Variants in NFIB observed in about 807,000 individuals in gnomAD.
NFIB encodes nuclear factor I B, also known as nuclear factor 1 B-type.
A neutral mutation model predicts 61.5 loss-of-function variants in NFIB; 11 were observed. The ratio of observed to expected loss-of-function variants is 0.18; its 90% CI spans 0.11 to 0.30. NFIB has a LOEUF of 0.30. Ranked by LOEUF, NFIB falls within the 10% of genes least tolerant of loss-of-function variation. The pLI, the probability that NFIB is intolerant of heterozygous loss-of-function variation, is 1.00. For missense variants in NFIB, 471 were observed against 608.9 expected (o/e 0.77, Z 2.38); for synonymous variants, 260 against 216.5 (o/e 1.20, Z -1.76).
At chr9:14,457,208 G>A in the NFIB span, among the ~76,000 whole-genome samples, 6 of 152,134 alleles carry the variant, frequency 3.9e-5, no homozygotes, top group African/African-American at 1.4e-4. Flanking sequence ...GCTGTGGGAA[G>A]ATGAACTGGA....
At chr9:14,401,492 C>T (rs1410965570), upstream of NFIB, among the ~76,000 whole-genome samples, 1 of 152,210 alleles carries the variant, frequency 6.6e-6, no homozygotes, top group Non-Finnish European at 1.5e-5. Context: ...GTCTATCTTA[C>T]TCAAGTCATC....
chr9:14,182,034 G>T (rs573563967), intron 2 of NFIB, among the ~76,000 whole-genome samples: 1 of 152,254 alleles, frequency 6.6e-6, no homozygotes, highest in Admixed American at 6.5e-5. Context: ...TCTTCCATTC[G>T]TAAGAAACTA....
At chr9:14,291,232 C>T (rs2059074272) in intron 2 of NFIB, among the ~76,000 whole-genome samples, 1 of 151,946 alleles carries the variant, frequency 6.6e-6, no homozygotes, top group Admixed American at 6.6e-5. Context: ...GCCTGTAATC[C>T]CAGCACTTTT....
the NFIB span, among the ~76,000 whole-genome samples, chr9:14,454,274 T>C: frequency 6.6e-6 from 1 of 152,224 alleles, no homozygotes; most frequent in East Asian, 1.9e-4. Context: ...GAAAATGTAT[T>C]AATAAGGAAT....
At chr9:14,427,942 T>TTTTTTTTTG in the NFIB span, among the ~76,000 whole-genome samples, 12 of 77,842 alleles carry the variant, frequency 1.5e-4, 1 homozygote, top group Middle Eastern at 4.7e-3. Flanking sequence ...CAGTTGTTTT[T>TTTTTTTTTG]TTTTTTTTTT....
At chr9:14,186,210 G>T (rs1205690900) in intron 2 of NFIB, among the ~76,000 whole-genome samples, 3 of 152,106 alleles carry the variant, frequency 2.0e-5, no homozygotes, top group Non-Finnish European at 4.4e-5. Flanking sequence ...TTTATATCAA[G>T]GGATATCAGA....
At chr9:14,522,478 G>A in the NFIB span, among the ~76,000 whole-genome samples, 1 of 152,064 alleles carries the variant, frequency 6.6e-6, no homozygotes, top group African/African-American at 2.4e-5. Flanking sequence ...ATAAAAAAAA[G>A]CATTGTTGTC....
chr9:14,295,348 G>A (rs543934600), intron 2 of NFIB, among the ~76,000 whole-genome samples: 11 of 152,262 alleles, frequency 7.2e-5, no homozygotes, highest in Middle Eastern at 3.4e-3. Context: ...CCAGTTGGCC[G>A]GGCGCGGTGG....
intron 2 of NFIB, among the ~76,000 whole-genome samples, chr9:14,247,066 C>G (rs1268332974): frequency 6.6e-6 from 1 of 152,060 alleles, no homozygotes; most frequent in Admixed American, 6.5e-5. Context: ...CGAAGAGAGC[C>G]CTCACCAGAA....
At chr9:14,270,343 G>A (rs1322991) in intron 2 of NFIB, among the ~76,000 whole-genome samples, 134,618 of 152,010 alleles carry the variant, frequency 0.89, 59,742 homozygotes, top group Non-Finnish European at 0.91. Flanking sequence ...GTGGCACATA[G>A]TCAGTTGCTT....
At chr9:14,485,131 A>C in the NFIB span, among the ~76,000 whole-genome samples, 1 of 152,188 alleles carries the variant, frequency 6.6e-6, no homozygotes, top group Non-Finnish European at 1.5e-5. Flanking sequence ...ATTTGACCCT[A>C]TCCCCAGATA....
At chr9:14,414,461 A>G in the NFIB span, among the ~76,000 whole-genome samples, 4 of 149,528 alleles carry the variant, frequency 2.7e-5, no homozygotes, top group East Asian at 3.9e-4. Context: ...AGAAAACGTA[A>G]TTGGACATAA....
chr9:14,121,579 T>C (rs972485935), intron 7 of NFIB, among the ~76,000 whole-genome samples: 2 of 152,208 alleles, frequency 1.3e-5, no homozygotes, highest in African/African-American at 4.8e-5. Context: ...ACTCTCCTAA[T>C]GAAAATGTTT....
chr9:14,240,811 CT>C (rs2054269651), intron 2 of NFIB, among the ~76,000 whole-genome samples: 1 of 152,168 alleles, frequency 6.6e-6, no homozygotes, highest in Non-Finnish European at 1.5e-5. Flanking sequence ...CTCAGTTCAT[CT>C]ACTCAAAATT....
At chr9:14,100,930 T>A (rs1195423829) in intron 10 of NFIB, among the ~76,000 whole-genome samples, 1 of 152,208 alleles carries the variant, frequency 6.6e-6, no homozygotes, top group Non-Finnish European at 1.5e-5. Context: ...TACGCAGACA[T>A]GAGTCATTTT....
chr9:14,528,226 G>A, the NFIB span, among the ~76,000 whole-genome samples: 1 of 152,088 alleles, frequency 6.6e-6, no homozygotes. Flanking sequence ...AATTAACATT[G>A]AGAACAAAAT....
intron 6 of NFIB, among the ~76,000 whole-genome samples, chr9:14,135,922 G>A (rs573483302): frequency 2.0e-5 from 3 of 152,108 alleles, no homozygotes; most frequent in Non-Finnish European, 2.9e-5. Context: ...CCTCAGTAAA[G>A]TAAAATCTTT....
the NFIB span, among the ~76,000 whole-genome samples, chr9:14,485,744 G>A: frequency 6.6e-6 from 1 of 152,034 alleles, no homozygotes; most frequent in Non-Finnish European, 1.5e-5. Context: ...GTGTTGTGGT[G>A]GGCGCCTGTA....
the NFIB span, among the ~76,000 whole-genome samples, chr9:14,466,787 G>A: frequency 1.3e-5 from 2 of 152,134 alleles, no homozygotes; most frequent in African/African-American, 2.4e-5. Context: ...TGGTGGGGGA[G>A]CTGGGGCTGA....
Sources: gnomAD v4.1 joint callset for allele counts (sites outside exome capture counted in the v4.1 genomes callset) on GRCh38, gnomAD v4.1.1 for gene constraint, MANE v1.5 for transcripts, NCBI Gene and HGNC (gene_info 2026-07-23, HGNC 2026-07-21) for gene names.